LUZP2: variants seen among roughly 807,000 people sequenced by gnomAD.
The protein encoded by LUZP2 is leucine zipper protein 2.
In LUZP2, 52 loss-of-function variants were observed where a neutral mutation model predicts 51.6. The ratio of observed to expected loss-of-function variants is 1.01; its 90% CI spans 0.81 to 1.27. The LOEUF (loss-of-function observed/expected upper bound fraction) is 1.27. LUZP2 is among the 50% of genes most tolerant of loss of function. The pLI, the probability that LUZP2 is intolerant of heterozygous loss-of-function variation, is 0.00. For synonymous variants in LUZP2, 154 were observed against 137.3 expected, an observed-to-expected ratio of 1.12 and a Z score of -0.85; for missense variants, 436 against 395.4, an observed-to-expected ratio of 1.10 and a Z score of -0.87.
chr11:24,561,266 T>A (rs1452245388), intron 1 of LUZP2, among the ~76,000 whole-genome samples: 1 of 152,188 alleles, frequency 6.6e-6, no homozygotes, highest in Non-Finnish European at 1.5e-5. Flanking sequence ...ATTGCAGGTA[T>A]CATATCAAAG....
chr11:24,660,963 G>C (rs979548058), intron 1 of LUZP2, among the ~76,000 whole-genome samples: 1 of 151,970 alleles, frequency 6.6e-6, no homozygotes, highest in East Asian at 1.9e-4. Context: ...CTATATTCTT[G>C]TTTCTTGGAG....
chr11:24,527,449 C>A (rs1199461320), intron 1 of LUZP2, among the ~76,000 whole-genome samples: 2 of 151,002 alleles, frequency 1.3e-5, no homozygotes, highest in Admixed American at 1.3e-4. Context: ...TTCTCTCTGA[C>A]AAGTAGTTGT....
chr11:25,061,582 C>T (rs546108714), intron 10 of LUZP2, among the ~76,000 whole-genome samples: 73 of 152,190 alleles, frequency 4.8e-4, no homozygotes, highest in Non-Finnish European at 9.4e-4. Context: ...TATTTTATTA[C>T]TTGAATTTGC....
At chr11:24,675,255 C>T (rs754026831) in intron 1 of LUZP2, among the ~76,000 whole-genome samples, 1 of 152,142 alleles carries the variant, frequency 6.6e-6, no homozygotes, top group Non-Finnish European at 1.5e-5. Context: ...AACAGACATA[C>T]AGAATCAAAC....
chr11:24,810,506 A>T (rs894032592), intron 5 of LUZP2, among the ~76,000 whole-genome samples: 2 of 152,140 alleles, frequency 1.3e-5, no homozygotes, highest in African/African-American at 4.8e-5. Flanking sequence ...TTAATTGAGA[A>T]ACTAGAATTT....
At chr11:24,845,039 G>A (rs1240833055) in intron 5 of LUZP2, among the ~76,000 whole-genome samples, 1 of 152,142 alleles carries the variant, frequency 6.6e-6, no homozygotes, top group Non-Finnish European at 1.5e-5. Flanking sequence ...TAGTGGAGCT[G>A]TGAGAGGAGG....
At chr11:24,864,674 A>G (rs895926714) in intron 5 of LUZP2, among the ~76,000 whole-genome samples, 8 of 152,194 alleles carry the variant, frequency 5.3e-5, no homozygotes, top group African/African-American at 1.9e-4. Context: ...GCCATTATGA[A>G]TAAAGTCTGG....
rs185961600 is a variant in LUZP2, at chr11:25,033,604, T to G, written c.766-16434T>G. ...CTTCCAACTTCCAGTATCCACAGTG[T>G]CTATAACTTCCGTATGTATGTCCAT... On this transcript the variant is annotated intron_variant, in intron 9 of 11. Coordinates refer to ENST00000336930, the MANE Select transcript of LUZP2 (RefSeq NM_001009909.4). 7.8e-3 allele frequency among the ~76,000 whole-genome samples: 1,184 copies of G among 152,176 alleles called. 32 individuals are homozygous for G. In the East Asian group the frequency reaches 0.098, roughly 13 times the overall value.
At chr11:24,752,272 G>C (rs1394369075) in intron 4 of LUZP2, among the ~76,000 whole-genome samples, 2 of 152,140 alleles carry the variant, frequency 1.3e-5, no homozygotes, top group Admixed American at 6.6e-5. Context: ...GCAATAATCA[G>C]ATAGATATCA....
At chr11:24,837,013 T>TAACAAAAAC (rs3078026) in intron 5 of LUZP2, among the ~76,000 whole-genome samples, 23,618 of 151,430 alleles carry the variant, frequency 0.16, 2,037 homozygotes, top group African/African-American at 0.22. Flanking sequence ...CAGTAGGTAA[T>TAACAAAAAC]AACAAAAACA....
chr11:24,882,822 G>A (rs1226548117), intron 5 of LUZP2, among the ~76,000 whole-genome samples: 1 of 150,794 alleles, frequency 6.6e-6, no homozygotes, highest in Non-Finnish European at 1.5e-5. Context: ...AAGGGAGGGA[G>A]GGAGGGAATG....
intron 1 of LUZP2, among the ~76,000 whole-genome samples, chr11:24,525,178 A>C (rs10834362): frequency 1.3e-5 from 2 of 151,428 alleles, no homozygotes; most frequent in South Asian, 2.1e-4. Flanking sequence ...TTTCCTGCTC[A>C]GTCTGAAACA....
At chr11:24,802,083 T>C (rs1849714310) in intron 5 of LUZP2, among the ~76,000 whole-genome samples, 1 of 152,054 alleles carries the variant, frequency 6.6e-6, no homozygotes, top group Admixed American at 6.6e-5. Flanking sequence ...CTTCATTCAT[T>C]ACCCATCAAA....
At chr11:24,846,104 CA>C (rs1851190368) in intron 5 of LUZP2, among the ~76,000 whole-genome samples, 1 of 150,030 alleles carries the variant, frequency 6.7e-6, no homozygotes, top group Admixed American at 6.6e-5. Context: ...AGGGCTTAAC[CA>C]GAACAGAGAG....
At chr11:24,802,062 C>T (rs1027897421) in intron 5 of LUZP2, among the ~76,000 whole-genome samples, 2 of 151,790 alleles carry the variant, frequency 1.3e-5, no homozygotes, top group Non-Finnish European at 2.9e-5. Flanking sequence ...CAGAAGTCTC[C>T]CTAATCCTCC....
chr11:24,893,880 T>A (rs1462037489), intron 5 of LUZP2, among the ~76,000 whole-genome samples: 1 of 152,154 alleles, frequency 6.6e-6, no homozygotes, highest in African/African-American at 2.4e-5. Flanking sequence ...AAGAACAATT[T>A]AATATGAGCA....
chr11:24,791,646 T>TA (rs1331654039), intron 5 of LUZP2, among the ~76,000 whole-genome samples: 2 of 152,130 alleles, frequency 1.3e-5, no homozygotes, highest in African/African-American at 4.8e-5. Context: ...AATTATAAAC[T>TA]AAATTTTTCA....
At chr11:24,707,519 C>T (rs1002202468) in intron 1 of LUZP2, among the ~76,000 whole-genome samples, 1 of 152,118 alleles carries the variant, frequency 6.6e-6, no homozygotes, top group African/African-American at 2.4e-5. Context: ...AATTGGCTCA[C>T]ATGGTTCTGG....
chr11:24,715,776 C>T (rs1353915243), intron 1 of LUZP2, among the ~76,000 whole-genome samples: 1 of 152,048 alleles, frequency 6.6e-6, no homozygotes, highest in Admixed American at 6.6e-5. Context: ...AATTTTGAGC[C>T]AGTTGATTAG....
Sources: gnomAD v4.1 joint callset for allele counts (sites outside exome capture counted in the v4.1 genomes callset) on GRCh38, gnomAD v4.1.1 for gene constraint, MANE v1.5 for transcripts, NCBI Gene and HGNC (gene_info 2026-07-23, HGNC 2026-07-21) for gene names.